The following NLGN1 variants were observed in gnomAD, a reference collection of about 807,000 sequenced individuals.
NLGN1 encodes neuroligin-1.
Under a neutral mutation model 65.5 loss-of-function variants are expected in NLGN1, and 12 were observed. That is an observed-to-expected ratio of 0.18 (90% CI 0.12 to 0.30). NLGN1 has a LOEUF of 0.30. NLGN1 is among the 10% of genes least tolerant of loss of function. The pLI is 1.00. For synonymous variants in NLGN1, 350 were observed against 359.5 expected (o/e 0.97, Z 0.30); for missense variants, 750 against 1,007.1 (o/e 0.74, Z 3.46).
intron 4 of NLGN1, among the ~76,000 whole-genome samples, chr3:174,209,960 A>G (rs1349065482): frequency 2.0e-5 from 3 of 151,756 alleles, no homozygotes; most frequent in Admixed American, 2.0e-4. Flanking sequence ...TGCATCCTCT[A>G]TCACCCTCAT....
At chr3:173,496,120 T>C (rs1369642955) in intron 2 of NLGN1, among the ~76,000 whole-genome samples, 2 of 151,838 alleles carry the variant, frequency 1.3e-5, no homozygotes, top group African/African-American at 4.9e-5. Context: ...CCTTCTTTTA[T>C]GTTTCTCCTT....
At chr3:173,682,493 G>A (rs1764079753) in intron 3 of NLGN1, among the ~76,000 whole-genome samples, 1 of 149,062 alleles carries the variant, frequency 6.7e-6, no homozygotes, top group Non-Finnish European at 1.5e-5. Flanking sequence ...GGAGGCTGAG[G>A]CAGGAGAATC....
chr3:173,487,023 A>C (rs972011520), intron 2 of NLGN1, among the ~76,000 whole-genome samples: 1 of 151,022 alleles, frequency 6.6e-6, no homozygotes, highest in African/African-American at 2.4e-5. Flanking sequence ...TGTTTCATTA[A>C]TTTCTGTTCA....
chr3:174,179,546 G>T (rs892162885), intron 4 of NLGN1, among the ~76,000 whole-genome samples: 4 of 151,972 alleles, frequency 2.6e-5, no homozygotes, highest in African/African-American at 9.7e-5. Context: ...TTAGATATTG[G>T]CAGGGAAAAA....
At chr3:174,200,896 A>T (rs1184068787) in intron 4 of NLGN1, among the ~76,000 whole-genome samples, 1 of 152,102 alleles carries the variant, frequency 6.6e-6, no homozygotes, top group Non-Finnish European at 1.5e-5. Context: ...CTGATCCTAG[A>T]GCAGTAGTGT....
chr3:173,507,998 G>T (rs1198382623), intron 2 of NLGN1, among the ~76,000 whole-genome samples: 2 of 152,126 alleles, frequency 1.3e-5, no homozygotes, highest in Non-Finnish European at 2.9e-5. Context: ...TACATATCAG[G>T]TACCTAATAA....
intron 4 of NLGN1, among the ~76,000 whole-genome samples, chr3:173,873,410 A>G (rs1731544546): frequency 6.6e-6 from 1 of 152,096 alleles, no homozygotes; most frequent in Non-Finnish European, 1.5e-5. Context: ...TAAATATTGT[A>G]TTTTTAAGCT....
At chr3:173,472,008 G>T (rs1297016211) in intron 2 of NLGN1, among the ~76,000 whole-genome samples, 1 of 152,090 alleles carries the variant, frequency 6.6e-6, no homozygotes, top group Non-Finnish European at 1.5e-5. Flanking sequence ...AAGTGCTGGG[G>T]TTAATATAAA....
At chr3:173,666,940 A>G (rs1295468420) in intron 3 of NLGN1, among the ~76,000 whole-genome samples, 1 of 152,208 alleles carries the variant, frequency 6.6e-6, no homozygotes, top group Non-Finnish European at 1.5e-5. Context: ...TTTATTGTAT[A>G]TTGTTCAAGA....
At chr3:173,680,551 C>T (rs190058322) in intron 3 of NLGN1, among the ~76,000 whole-genome samples, 28 of 152,116 alleles carry the variant, frequency 1.8e-4, no homozygotes, top group Admixed American at 1.8e-3. Flanking sequence ...TTTTAAAATT[C>T]TGAAAAAACG....
intron 1 of NLGN1, among the ~76,000 whole-genome samples, chr3:173,404,271 T>G (rs1718214992): frequency 6.6e-6 from 1 of 152,092 alleles, no homozygotes; most frequent in Non-Finnish European, 1.5e-5. Flanking sequence ...AGGAAAAGAA[T>G]GGGGTTGATA....
chr3:174,166,802 T>C (rs1727574027), intron 4 of NLGN1, among the ~76,000 whole-genome samples: 1 of 152,132 alleles, frequency 6.6e-6, no homozygotes, highest in African/African-American at 2.4e-5. Flanking sequence ...CCACTACTGT[T>C]GTGTTGCTGG....
chr3:173,694,339 ATTGT>A (rs1002764881), intron 3 of NLGN1, among the ~76,000 whole-genome samples: 12 of 152,272 alleles, frequency 7.9e-5, no homozygotes, highest in East Asian at 1.9e-4. Flanking sequence ...CTAACTGAAA[ATTGT>A]TTGGACACTT....
intron 3 of NLGN1, among the ~76,000 whole-genome samples, chr3:173,747,215 GTA>G (rs892501046): frequency 7.5e-6 from 1 of 132,494 alleles, no homozygotes; most frequent in Non-Finnish European, 1.5e-5. Flanking sequence ...ATATCTTTAA[GTA>G]TATATATTTA....
intron 2 of NLGN1, among the ~76,000 whole-genome samples, chr3:173,451,037 C>A (rs530713174): frequency 2.0e-4 from 31 of 152,132 alleles, no homozygotes; most frequent in Non-Finnish European, 4.3e-4. Flanking sequence ...GTAGTTTGAT[C>A]TTCTGAAGCC....
chr3:173,879,066 C>T (rs1732728701), intron 4 of NLGN1, among the ~76,000 whole-genome samples: 1 of 151,954 alleles, frequency 6.6e-6, no homozygotes, highest in Non-Finnish European at 1.5e-5. Context: ...AGCCCTGTCT[C>T]TACTAAAAAT....
intron 4 of NLGN1, among the ~76,000 whole-genome samples, chr3:174,151,855 C>A (rs1478279334): frequency 6.6e-6 from 1 of 152,040 alleles, no homozygotes; most frequent in African/African-American, 2.4e-5. Flanking sequence ...TTCCACACTA[C>A]AGATGGACAA....
At chr3:174,101,282 A>T (rs767378571) in intron 4 of NLGN1, among the ~76,000 whole-genome samples, 6 of 152,200 alleles carry the variant, frequency 3.9e-5, no homozygotes, top group Non-Finnish European at 8.8e-5. Flanking sequence ...AATCAGGCAA[A>T]TCAAACTATA....
chr3:174,027,274 G>A (rs1729035701), intron 4 of NLGN1, among the ~76,000 whole-genome samples: 1 of 151,884 alleles, frequency 6.6e-6, no homozygotes, highest in African/African-American at 2.4e-5. Flanking sequence ...TCATCATCTT[G>A]GACTCTCTCT....
Sources: allele counts gnomAD v4.1 joint callset (sites outside exome capture counted in the v4.1 genomes callset), GRCh38; gene constraint gnomAD v4.1.1; transcripts MANE v1.5; gene names NCBI Gene and HGNC (gene_info 2026-07-23, HGNC 2026-07-21).